Variants in ENTHD1 observed in about 807,000 individuals in gnomAD.
ENTHD1 encodes the protein ENTH domain containing 1.
In ENTHD1, 23 loss-of-function variants were observed where a neutral mutation model predicts 39.1. The ratio of observed to expected loss-of-function variants is 0.59; its 90% CI spans 0.42 to 0.83. The LOEUF (loss-of-function observed/expected upper bound fraction) is 0.83. Among genes scored for constraint, ENTHD1 ranks in the 40% least tolerant of loss-of-function variants. The pLI, the probability that ENTHD1 is intolerant of heterozygous loss-of-function variation, is 0.00. For synonymous variants in ENTHD1, 230 were observed against 258.2 expected, an observed-to-expected ratio of 0.89 and a Z score of 1.05; for missense variants, 624 against 705.4, an observed-to-expected ratio of 0.88 and a Z score of 1.31.
intron 5 of ENTHD1, among the ~76,000 whole-genome samples, chr22:39,777,185 C>T (rs997074117): frequency 4.6e-5 from 7 of 152,014 alleles, no homozygotes; most frequent in African/African-American, 1.7e-4. Context: ...GCTAAGAGGC[C>T]ACAGTTATAA....
At chr22:39,788,552 C>T (rs1374639654) in intron 5 of ENTHD1, among the ~76,000 whole-genome samples, 1 of 152,180 alleles carries the variant, frequency 6.6e-6, no homozygotes, top group Non-Finnish European at 1.5e-5. Context: ...AACATTGTTG[C>T]AATGTCATCA....
rs368264772 is a variant in ENTHD1 at position 39,743,583 on chromosome 22, CT to C, written c.*95del. 5,063 of 1,366,192 alleles carry C rather than the reference CT, an allele frequency of 3.7e-3. 21 individuals are homozygous for C. The highest frequency in any genetic ancestry group is 0.01 in the South Asian group (524 of 51,164). The allele number at this position is 1,366,192 out of a possible 1,614,324, so 84.6% of individuals were successfully genotyped here. ...TGACAAGGAAAAATTAAACCATCCC[CT>C]TTTTTGCCATAATAATATGAATTTA... is the stretch of plus-strand genomic sequence containing the variant. On this transcript the variant is annotated 3_prime_UTR_variant, in exon 7 of 7. Transcript: ENST00000325157.
chr22:39,851,977 T>C (rs1486598812), intron 3 of ENTHD1, among the ~76,000 whole-genome samples: 2 of 152,104 alleles, frequency 1.3e-5, no homozygotes, highest in Non-Finnish European at 2.9e-5. Flanking sequence ...AGCATATAAT[T>C]CCATTTTTAT....
chr22:39,812,025 A>AC (rs1555930039), intron 5 of ENTHD1, among the ~76,000 whole-genome samples: 55,276 of 148,898 alleles, frequency 0.37, 11,873 homozygotes, highest in Non-Finnish European at 0.47. Context: ...CAAAAAAAAA[A>AC]CGACATAGAT....
At chr22:39,831,696 G>A (rs2065870575) in intron 4 of ENTHD1, among the ~76,000 whole-genome samples, 1 of 151,740 alleles carries the variant, frequency 6.6e-6, no homozygotes, top group African/African-American at 2.4e-5. Context: ...TGTAGTGGCG[G>A]GCGTCTGTAT....
intron 4 of ENTHD1, among the ~76,000 whole-genome samples, chr22:39,831,656 C>G: frequency 6.6e-6 from 1 of 151,916 alleles, no homozygotes; most frequent in East Asian, 1.9e-4. Context: ...GAAACCCCAT[C>G]TCTACTAAAA....
intron 2 of ENTHD1, among the ~76,000 whole-genome samples, chr22:39,871,028 A>G (rs1376012021): frequency 6.6e-6 from 1 of 151,894 alleles, no homozygotes; most frequent in Admixed American, 6.6e-5. Context: ...GAAAGAAAGA[A>G]AGAAAATTAG....
At chr22:39,803,886 G>A (rs1324956060) in intron 5 of ENTHD1, among the ~76,000 whole-genome samples, 1 of 152,194 alleles carries the variant, frequency 6.6e-6, no homozygotes, top group Non-Finnish European at 1.5e-5. Flanking sequence ...ATCTGGTCAG[G>A]TGCGGTGGCT....
intron 3 of ENTHD1, among the ~76,000 whole-genome samples, chr22:39,855,663 G>T (rs1335253751): frequency 1.3e-5 from 2 of 151,978 alleles, no homozygotes; most frequent in East Asian, 1.9e-4. Flanking sequence ...CTTTCTCCTG[G>T]CTAGAAGGCA....
chr22:39,816,210 C>G (rs1038447393), intron 5 of ENTHD1, among the ~76,000 whole-genome samples: 1 of 152,156 alleles, frequency 6.6e-6, no homozygotes, highest in Non-Finnish European at 1.5e-5. Context: ...AAAATCATAA[C>G]ATGGAAATTA....
intron 2 of ENTHD1, chr22:39,875,675 G>A: frequency 1.2e-6 from 2 of 1,612,016 alleles, no homozygotes; most frequent in South Asian, 1.1e-5. Flanking sequence ...CGCATATGCT[G>A]CCAAGAATGC....
chr22:39,743,822 T>C lies in ENTHD1; in HGVS notation c.1681A>G (p.Arg561Gly), dbSNP rs766932008. The change falls in exon 7 of 7, where the codon AGA becomes GGA. Residue 561 changes from arginine to glycine, a missense_variant. Transcript: ENST00000325157. ...LLREVKRAIA[R>G]LHEDLSTVIQ... ...ACTGTGCTCAGATCTTCATGTAATCTAGCGATCGCACGTTTTACCTCCCTT... is the reference window on the plus strand; with the variant it reads ...ACTGTGCTCAGATCTTCATGTAATCCAGCGATCGCACGTTTTACCTCCCTT... 4 of 1,614,164 alleles carry C rather than the reference T, an allele frequency of 2.5e-6. No homozygotes were observed. The highest frequency in any genetic ancestry group is 3.4e-6 in the Non-Finnish European group (4 of 1,180,012).
At chr22:39,860,959 A>G (rs540289770) in intron 3 of ENTHD1, among the ~76,000 whole-genome samples, 1 of 152,332 alleles carries the variant, frequency 6.6e-6, no homozygotes, top group East Asian at 1.9e-4. Context: ...GTTTTAAGCA[A>G]AGGAAAGGGT....
intron 2 of ENTHD1, chr22:39,876,138 C>T: frequency 6.4e-7 from 1 of 1,560,508 alleles, no homozygotes; most frequent in Admixed American, 1.9e-5. Flanking sequence ...AAGTCATAGG[C>T]TTCTTTCAGT....
At chr22:39,892,005 T>A (rs1324041913) in intron 1 of ENTHD1, among the ~76,000 whole-genome samples, 3 of 152,064 alleles carry the variant, frequency 2.0e-5, no homozygotes, top group African/African-American at 7.2e-5. Flanking sequence ...ATTAAAAAAA[T>A]AAATAAATAA....
At chr22:39,863,308 G>T (rs1676395222) in intron 2 of ENTHD1, among the ~76,000 whole-genome samples, 1 of 152,124 alleles carries the variant, frequency 6.6e-6, no homozygotes, top group African/African-American at 2.4e-5. Flanking sequence ...ACAAGAAAAG[G>T]GAGAGCAATT....
intron 5 of ENTHD1, among the ~76,000 whole-genome samples, chr22:39,807,718 T>G (rs539292792): frequency 8.5e-5 from 13 of 152,372 alleles, no homozygotes; most frequent in African/African-American, 2.6e-4. Flanking sequence ...TTTCAAAATG[T>G]GGGTTGTGAC....
intron 4 of ENTHD1, among the ~76,000 whole-genome samples, chr22:39,834,228 C>T (rs1252090394): frequency 3.9e-5 from 6 of 152,068 alleles, no homozygotes; most frequent in Admixed American, 3.3e-4. Context: ...ATACACAGAT[C>T]ACATATCTGA....
chr22:39,821,532 G>T (rs977774073), intron 4 of ENTHD1, among the ~76,000 whole-genome samples: 5 of 152,154 alleles, frequency 3.3e-5, no homozygotes, highest in African/African-American at 1.2e-4. Flanking sequence ...ATCCAATCAT[G>T]CAGGTTAAAC....
Sources: allele counts gnomAD v4.1 joint callset (sites outside exome capture counted in the v4.1 genomes callset), GRCh38; gene constraint gnomAD v4.1.1; transcripts MANE v1.5; gene names NCBI Gene and HGNC (gene_info 2026-07-23, HGNC 2026-07-21).